Variants in BACE1 observed in about 807,000 individuals in gnomAD.
The protein encoded by BACE1 is APP beta-secretase.
A neutral mutation model predicts 54.0 loss-of-function variants in BACE1; 21 were observed. The observed-to-expected ratio is 0.39, with a 90% CI of 0.28 to 0.56. The LOEUF is 0.56. BACE1 is among the 20% of genes least tolerant of loss of function. BACE1 has a pLI of 0.63. For synonymous variants in BACE1, 232 were observed against 260.9 expected (o/e 0.89, Z 1.07); for missense variants, 511 against 661.2 (o/e 0.77, Z 2.49).
chr11:117,290,082 T>C (rs372916032), intron 8 of BACE1, among the ~76,000 whole-genome samples: 9 of 151,700 alleles, frequency 5.9e-5, no homozygotes, highest in African/African-American at 2.2e-4. Flanking sequence ...AGCCACCCCC[T>C]TGACCAAAAG....
rs558796809 is a variant in BACE1 at position 117,301,988 on chromosome 11, T to A, written c.262-5027A>T. ...TGCAGCCAGAGTGATCTTTTCAAAG[T>A]GCAAATTTGACTGTTAACCCTCCTA... is the stretch of plus-strand genomic sequence containing the variant. On this transcript the variant is annotated intron_variant, in intron 1 of 8. Coordinates refer to ENST00000313005, the MANE Select transcript of BACE1 (RefSeq NM_012104.6). Among the ~76,000 whole-genome samples, 4 of 152,374 alleles carry A rather than the reference T, an allele frequency of 2.6e-5. No individual in the cohort carries two copies. In the East Asian group the frequency reaches 7.7e-4, roughly 29 times the overall value.
In BACE1 at chr11:117,289,614, C is replaced by CAGGCAGCGG; in HGVS notation, c.1449_1457dup (p.Cys485_Arg487dup). 1 of 1,614,186 alleles carries CAGGCAGCGG rather than the reference C, an allele frequency of 6.2e-7. No individual in the cohort carries two copies. The highest frequency in any genetic ancestry group is 2.2e-5 in the East Asian group (1 of 44,866). On this transcript the variant is annotated inframe_insertion, in exon 9 of 9. Transcript: ENST00000313005. ...CAGCAAAGTCATCATGCTGCTGGCG[C>CAGGCAGCGG]AGGCAGCGGAGGCAGCGCCACTGAC...
chr11:117,294,111 T>C, intron 3 of BACE1, 103 bp from the exon 4 acceptor site: 1 of 1,377,514 alleles, frequency 7.3e-7, no homozygotes, highest in Non-Finnish European at 9.8e-7. Context: ...TGGGGGATGC[T>C]CCTTGGGAAA....
chr11:117,313,598 C>A (rs187193511), intron 1 of BACE1, among the ~76,000 whole-genome samples: 4 of 152,148 alleles, frequency 2.6e-5, no homozygotes, highest in African/African-American at 9.6e-5. Context: ...CCAGGCCCGG[C>A]GAATTATTTT....
intron 1 of BACE1, among the ~76,000 whole-genome samples, chr11:117,309,084 C>T (rs1368200449): frequency 1.3e-5 from 2 of 152,288 alleles, no homozygotes; most frequent in East Asian, 3.9e-4. Context: ...CCCCATACAT[C>T]TCATCAAGCG....
At chr11:117,291,923 C>T (rs1182111903) in intron 5 of BACE1, 110 bp from the exon 6 acceptor site, 44 of 674,364 alleles carry the variant, frequency 6.5e-5, no homozygotes, top group Admixed American at 4.3e-4. Flanking sequence ...TTGGCTTTGG[C>T]ACCTCCTAAG....
chr11:117,301,002 T>C (rs1397269951), intron 1 of BACE1, among the ~76,000 whole-genome samples: 1 of 152,188 alleles, frequency 6.6e-6, no homozygotes, highest in Non-Finnish European at 1.5e-5. Context: ...CAACCCATTC[T>C]AAAACTGGGT....
rs1179002016 is a variant in BACE1 at position 117,288,853 on chromosome 11, A to G, written c.*713T>C. The G allele has an allele frequency of 6.6e-6, 1 of 152,204 alleles. No homozygotes were observed. Among genetic ancestry groups the G allele is most frequent in the East Asian group, 1.9e-4 (1 of 5,200 alleles). The allele number at this position is 152,204 out of a possible 1,614,324, so 9.4% of individuals were successfully genotyped here. A position where few individuals can be genotyped will look rare whatever the true frequency, so the allele number is the denominator to read the frequency against. ...AAAGAAAACATTGAAAACAACACCCATCTTCTGAGATGGGATGCTATCTTG... is the reference window on the plus strand; with the variant it reads ...AAAGAAAACATTGAAAACAACACCCGTCTTCTGAGATGGGATGCTATCTTG... On this transcript the variant is annotated 3_prime_UTR_variant, in exon 9 of 9. Coordinates refer to ENST00000313005, the MANE Select transcript of BACE1 (RefSeq NM_012104.6).
At position 117,296,963 on chromosome 11, in the gene BACE1, T is replaced by C; in HGVS notation, c.262-2A>G. 1.2e-6 allele frequency: 2 copies of C among 1,613,170 alleles called. No homozygotes were observed. Among genetic ancestry groups the C allele is most frequent in the Non-Finnish European group, 1.7e-6 (2 of 1,179,380 alleles). The stretch of plus-strand genomic sequence containing the variant: ...GCCTGTATCCACCAGGATGTTGAGC[T>C]GTCAGAGAAAGGGGAGAGAAAAGAC... On this transcript the variant is annotated splice_acceptor_variant, in intron 1 of 8. Transcript: ENST00000313005. LOFTEE classifies it high-confidence loss of function.
intron 2 of BACE1, among the ~76,000 whole-genome samples, chr11:117,296,374 C>T (rs912094688): frequency 2.5e-4 from 38 of 152,194 alleles, no homozygotes; most frequent in African/African-American, 8.9e-4. Flanking sequence ...CTGGTCTAGG[C>T]AGAGGGGTTT....
At chr11:117,289,899 C>G in intron 8 of BACE1, 92 bp from the exon 9 acceptor site, 1 of 1,173,064 alleles carries the variant, frequency 8.5e-7, no homozygotes, top group Non-Finnish European at 1.2e-6. Context: ...TGAAATTAGC[C>G]CATGCAGAAG....
Position 117,314,925 on chromosome 11 carries a change from T to C in BACE1, c.261+610A>G, listed in dbSNP as rs1189436594. 4.0e-5 allele frequency among the ~76,000 whole-genome samples: 6 copies of C among 151,570 alleles called. No individual in the cohort carries two copies. The East Asian group carries it at 1.2e-3, about 29-fold the overall frequency. On this transcript the variant is annotated intron_variant, in intron 1 of 8. Coordinates refer to ENST00000313005, the MANE Select transcript of BACE1 (RefSeq NM_012104.6). ...GTGGGGTGGGGGAGGGGCCGGAGTG[T>C]AGACCGCGAGAGGGAGAAGGGGAGG...
Position 117,315,933 on chromosome 11 carries a change from G to A in BACE1, c.-138C>T, listed in dbSNP as rs1349935440. 2 of 1,003,288 alleles carry A rather than the reference G, an allele frequency of 2.0e-6. No homozygotes were observed. The highest frequency in any genetic ancestry group is 2.7e-6 in the Non-Finnish European group (2 of 745,662). 62.1% of individuals were successfully genotyped at this position (1,003,288 alleles called of 1,614,324 possible). ...GCATCAGGACGCCAGGGCCTGCAGG[G>A]CCCTGGGCCAGCCCCCGGGTCCGGG... On this transcript the variant is annotated 5_prime_UTR_variant, in exon 1 of 9. Coordinates refer to ENST00000313005, the MANE Select transcript of BACE1 (RefSeq NM_012104.6). This position sits in a 1 kb window ranked among gnomAD's most constrained non-coding sequence, Gnocchi z 5.5.
intron 1 of BACE1, among the ~76,000 whole-genome samples, chr11:117,300,593 G>T (rs1019821932): frequency 6.6e-6 from 1 of 152,214 alleles, no homozygotes; most frequent in African/African-American, 2.4e-5. Flanking sequence ...AACCCCAGCA[G>T]CTGGGTTCCC....
intron 1 of BACE1, among the ~76,000 whole-genome samples, chr11:117,309,537 G>GGCAACAGA (rs28989468): frequency 0.019 from 2,823 of 152,222 alleles, 79 homozygotes; most frequent in African/African-American, 0.064. Flanking sequence ...TGGATCCCTG[G>GGCAACAGA]GCGAGACTCC....
rs2034268167 is a variant in BACE1, at chr11:117,286,581, G to A, written c.*2985C>T. The A allele has an allele frequency of 6.6e-6, 1 of 152,650 alleles. No homozygotes were observed. The highest frequency in any genetic ancestry group is 1.5e-5 in the Non-Finnish European group (1 of 68,060). The allele number at this position is 152,650 out of a possible 1,614,324, so 9.5% of individuals were successfully genotyped here. The stretch of plus-strand genomic sequence containing the variant: ...CTAGCAGTACATGTCGGATAGCAAA[G>A]ACTTTTCCTTTCAGACCCAACTAAA... On this transcript the variant is annotated 3_prime_UTR_variant, in exon 9 of 9. Transcript: ENST00000313005.
At chr11:117,297,009 G>A (rs772875973) in intron 1 of BACE1, 48 bp from the exon 2 acceptor site, 3 of 1,393,460 alleles carry the variant, frequency 2.2e-6, no homozygotes, top group Non-Finnish European at 3.1e-6. Flanking sequence ...GGAGGCTTCG[G>A]TCACACCACC....
chr11:117,294,799 C>T (rs1302485021), intron 3 of BACE1, among the ~76,000 whole-genome samples: 8 of 151,540 alleles, frequency 5.3e-5, no homozygotes, highest in African/African-American at 1.9e-4. Context: ...GCAGGAAAAT[C>T]GCTTGAACCG....
intron 1 of BACE1, chr11:117,297,216 A>C: frequency 2.2e-6 from 1 of 444,698 alleles, no homozygotes; most frequent in Non-Finnish European, 3.9e-6. Flanking sequence ...CCAACTGAAA[A>C]AAGGCAGATT....
Sources: gnomAD v4.1 joint callset for allele counts (sites outside exome capture counted in the v4.1 genomes callset) on GRCh38, gnomAD v4.1.1 for gene constraint, Gnocchi (gnomAD v3.1) non-coding constraint, MANE v1.5 for transcripts, NCBI Gene and HGNC (gene_info 2026-07-23, HGNC 2026-07-21) for gene names.